GFRA2: variants seen among roughly 807,000 people sequenced by gnomAD.
The protein encoded by GFRA2 is GDNF family receptor alpha 2, also known as GDNF family receptor alpha-2.
GFRA2 carries 17 observed loss-of-function variants against 48.3 expected under a neutral mutation model. The ratio of observed to expected loss-of-function variants is 0.35; its 90% CI spans 0.24 to 0.53. GFRA2 has a LOEUF of 0.53. Ranked by LOEUF, GFRA2 falls within the 20% of genes least tolerant of loss-of-function variation. The pLI is 0.93. For synonymous variants in GFRA2, 305 were observed against 257.2 expected (o/e 1.19, Z -1.78); for missense variants, 660 against 637.3 (o/e 1.04, Z -0.38).
rs868564403 is a variant in GFRA2 at position 21,807,596 on chromosome 8, T to G, written c.-147-2468A>C. Among the ~76,000 whole-genome samples, 11 of 152,326 alleles carry G rather than the reference T, an allele frequency of 7.2e-5. No homozygotes were observed. The South Asian group carries it at 1.9e-3, about 26-fold the overall frequency. On this transcript the variant is annotated intron_variant, in intron 1 of 10. Coordinates refer to the GFRA2 transcript ENST00000517328. ...GAGATCAAGGCTTCTCTGAGGCCTC[T>G]CTCCTTGGCTTGCAGATGGCCACCT... is the stretch of plus-strand genomic sequence containing the variant.
At chr8:21,776,708 C>A (rs1413999161) in intron 2 of GFRA2, among the ~76,000 whole-genome samples, 2 of 152,050 alleles carry the variant, frequency 1.3e-5, no homozygotes, top group Non-Finnish European at 2.9e-5. Context: ...TGACCTCAAG[C>A]GATCTGTGCA....
intron 2 of GFRA2, among the ~76,000 whole-genome samples, chr8:21,778,845 C>T (rs1282944466): frequency 2.0e-5 from 3 of 152,016 alleles, no homozygotes; most frequent in African/African-American, 4.8e-5. Context: ...TATGATCTTG[C>T]CACTGCACTC....
intron 1 of GFRA2, among the ~76,000 whole-genome samples, chr8:21,807,834 C>T (rs896226129): frequency 3.9e-5 from 6 of 152,352 alleles, no homozygotes; most frequent in Admixed American, 2.0e-4. Context: ...ATTTCAATTC[C>T]GTCTGTAACA....
rs1801947236 is a variant in GFRA2 at position 21,693,030 on chromosome 8, C to T, written c.*248G>A. On this transcript the variant is annotated 3_prime_UTR_variant, in exon 9 of 9. Coordinates refer to ENST00000524240, the MANE Select transcript of GFRA2 (RefSeq NM_001495.5). ...GGCATTTCTAGAGCCTCGTGCCCTC[C>T]CCGGCACCAGAGTTTCCCCTGCCAG... The T allele has an allele frequency of 2.9e-6, 1 of 348,244 alleles. No individual in the cohort carries two copies. The highest frequency in any genetic ancestry group is 5.2e-6 in the Non-Finnish European group (1 of 191,080). The allele number at this position is 348,244 out of a possible 1,614,324, so 21.6% of individuals were successfully genotyped here. A position where few individuals can be genotyped will look rare whatever the true frequency, so the allele number is the denominator to read the frequency against.
rs147471784 is a variant in GFRA2 at position 21,701,654 on chromosome 8, A to G, written c.1218+1151T>C. 3.3e-3 allele frequency among the ~76,000 whole-genome samples: 497 copies of G among 152,232 alleles called. 2 individuals carry two copies. Among genetic ancestry groups the G allele is most frequent in the African/African-American group, 0.011 (449 of 41,556 alleles). On this transcript the variant is annotated intron_variant, in intron 7 of 8. Coordinates refer to ENST00000524240, the MANE Select transcript of GFRA2 (RefSeq NM_001495.5). ...CCTAACATTCGTGCAGCATTCCTCC[A>G]TTGACCAAGCACTTTCGCATGTATC... is the stretch of plus-strand genomic sequence containing the variant.
chr8:21,741,920 CAA>C (rs74424608), intron 4 of GFRA2, among the ~76,000 whole-genome samples: 42 of 105,156 alleles, frequency 4.0e-4, no homozygotes, highest in Non-Finnish European at 4.7e-4. Context: ...GACTCCATCT[CAA>C]AAAAAAAAAA....
At chr8:21,775,900 A>T (rs1364898498) in intron 2 of GFRA2, among the ~76,000 whole-genome samples, 1 of 150,542 alleles carries the variant, frequency 6.6e-6, no homozygotes. Context: ...CAGGAATCCC[A>T]CCCTCCTCTG....
intron 2 of GFRA2, among the ~76,000 whole-genome samples, chr8:21,794,861 T>A (rs1354692412): frequency 6.6e-6 from 1 of 152,200 alleles, no homozygotes; most frequent in Non-Finnish European, 1.5e-5. Context: ...TCCCAAAGAA[T>A]GAACAGGGCT....
At chr8:21,782,946 T>C in intron 1 of GFRA2, 47 bp from the exon 2 acceptor site, 1 of 1,500,470 alleles carries the variant, frequency 6.7e-7, no homozygotes, top group South Asian at 1.2e-5. Flanking sequence ...GCCGCCACAA[T>C]CTCCCACCCA....
At chr8:21,756,082 G>A (rs1323980486) in intron 3 of GFRA2, among the ~76,000 whole-genome samples, 1 of 152,206 alleles carries the variant, frequency 6.6e-6, no homozygotes, top group Non-Finnish European at 1.5e-5. Context: ...CCCCAGAGAG[G>A]AGGTTAGCAA....
intron 2 of GFRA2, among the ~76,000 whole-genome samples, chr8:21,777,804 C>T (rs1806782893): frequency 6.6e-6 from 1 of 152,180 alleles, no homozygotes; most frequent in African/African-American, 2.4e-5. Flanking sequence ...ACTCTGGGTC[C>T]TGCCACGAGC....
chr8:21,766,624 C>G (rs543951457), intron 3 of GFRA2, among the ~76,000 whole-genome samples: 1 of 150,956 alleles, frequency 6.6e-6, no homozygotes, highest in Non-Finnish European at 1.5e-5. Context: ...TTCTAATGCC[C>G]CTCCCCCTTG....
intron 3 of GFRA2, among the ~76,000 whole-genome samples, chr8:21,765,464 C>G (rs956923596): frequency 6.6e-6 from 1 of 151,988 alleles, no homozygotes; most frequent in African/African-American, 2.4e-5. Context: ...ACACAGCTGA[C>G]TGATTTCTCT....
At chr8:21,774,255 G>A (rs1461121690) in intron 3 of GFRA2, among the ~76,000 whole-genome samples, 1 of 151,174 alleles carries the variant, frequency 6.6e-6, no homozygotes, top group Admixed American at 6.6e-5. Context: ...AGAGAACAAA[G>A]CCGAGAAGAA....
Position 21,788,542 on chromosome 8 carries a change from G to A in GFRA2, c.-383C>T. On this transcript the variant is annotated 5_prime_UTR_variant, in exon 1 of 9. Transcript: ENST00000524240. ...CTTCCCAGGAGGGGCCTGGGGAGGT[G>A]GGGAGAGAGGCGATTTGCGAGTGAA... is the stretch of plus-strand genomic sequence containing the variant. 9.8e-7 allele frequency: 1 copy of A among 1,020,872 alleles called. No individual in the cohort carries two copies. The highest frequency in any genetic ancestry group is 4.7e-4 in the Middle Eastern group (1 of 2,118). The allele number at this position is 1,020,872 out of a possible 1,614,324, so 63.2% of individuals were successfully genotyped here. A position where few individuals can be genotyped will look rare whatever the true frequency, so the allele number is the denominator to read the frequency against.
chr8:21,779,902 G>T (rs1458638941), intron 2 of GFRA2, among the ~76,000 whole-genome samples: 1 of 151,818 alleles, frequency 6.6e-6, no homozygotes, highest in Non-Finnish European at 1.5e-5. Flanking sequence ...TCCCCTGTTC[G>T]AAGGCTCATC....
chr8:21,802,840 A>C (rs1807795410), intron 2 of GFRA2, among the ~76,000 whole-genome samples: 1 of 152,240 alleles, frequency 6.6e-6, no homozygotes, highest in Non-Finnish European at 1.5e-5. Context: ...TTTCATAAGG[A>C]AATAACACTT....
At chr8:21,697,777 T>C (rs951026987) in intron 7 of GFRA2, among the ~76,000 whole-genome samples, 1 of 152,168 alleles carries the variant, frequency 6.6e-6, no homozygotes, top group Non-Finnish European at 1.5e-5. Flanking sequence ...GTCTCTTCCA[T>C]GCTGTTCTCG....
chr8:21,784,214 A>C (rs1807155698), intron 1 of GFRA2: 22 of 444,902 alleles, frequency 4.9e-5, no homozygotes, highest in Non-Finnish European at 1.0e-4. Context: ...CCAAGCTCCT[A>C]AAATGGTTTC....
Sources: gnomAD v4.1 joint callset for allele counts (sites outside exome capture counted in the v4.1 genomes callset) on GRCh38, gnomAD v4.1.1 for gene constraint, MANE v1.5 for transcripts, NCBI Gene and HGNC (gene_info 2026-07-23, HGNC 2026-07-21) for gene names.